The following GPC5 variants were observed in gnomAD, a reference collection of about 807,000 sequenced individuals.
GPC5 encodes glypican-5.
GPC5 carries 47 observed loss-of-function variants against 53.9 expected under a neutral mutation model. That is an observed-to-expected ratio of 0.87 (90% CI 0.69 to 1.11). GPC5 has a LOEUF of 1.11. GPC5 is among the 50% of genes most tolerant of loss of function. The pLI is 0.00. For synonymous variants in GPC5, 286 were observed against 263.3 expected (o/e 1.09, Z -0.84); for missense variants, 748 against 713.1 (o/e 1.05, Z -0.56).
intron 7 of GPC5, among the ~76,000 whole-genome samples, chr13:92,586,619 T>C (rs1317087430): frequency 6.6e-6 from 1 of 152,184 alleles, no homozygotes; most frequent in Non-Finnish European, 1.5e-5. Context: ...TGAGCTCAGC[T>C]TTACTTAGTT....
intron 7 of GPC5, among the ~76,000 whole-genome samples, chr13:92,533,952 C>T (rs1051891341): frequency 4.6e-5 from 7 of 152,066 alleles, no homozygotes; most frequent in Non-Finnish European, 1.0e-4. Flanking sequence ...TTCTTCATAA[C>T]AAAGCCTTTT....
chr13:92,759,624 AG>A, intron 7 of GPC5, among the ~76,000 whole-genome samples: 1 of 152,050 alleles, frequency 6.6e-6, no homozygotes, highest in Non-Finnish European at 1.5e-5. Flanking sequence ...TGGAGTCTTT[AG>A]GGCTCTCTAT....
At chr13:91,874,442 A>C (rs2039180628) in intron 5 of GPC5, among the ~76,000 whole-genome samples, 1 of 152,144 alleles carries the variant, frequency 6.6e-6, no homozygotes, top group South Asian at 2.1e-4. Flanking sequence ...GATCCCCTGG[A>C]ATGAATATTC....
chr13:92,073,988 A>G (rs1003542189), intron 6 of GPC5, among the ~76,000 whole-genome samples: 1 of 152,138 alleles, frequency 6.6e-6, no homozygotes, highest in African/African-American at 2.4e-5. Flanking sequence ...CCATCATGTG[A>G]AGAAACATGT....
chr13:91,449,631 A>C (rs1419265814), intron 2 of GPC5, among the ~76,000 whole-genome samples: 1 of 152,176 alleles, frequency 6.6e-6, no homozygotes, highest in South Asian at 2.1e-4. Context: ...AGTGCAAGCA[A>C]GTCTGATAAA....
At chr13:92,277,487 A>G (rs1410684997) in intron 7 of GPC5, among the ~76,000 whole-genome samples, 4 of 152,104 alleles carry the variant, frequency 2.6e-5, no homozygotes, top group African/African-American at 9.6e-5. Flanking sequence ...AGGTAATATT[A>G]TACATCACTT....
At chr13:92,301,291 A>G (rs1280716865) in intron 7 of GPC5, among the ~76,000 whole-genome samples, 1 of 152,180 alleles carries the variant, frequency 6.6e-6, no homozygotes, top group Non-Finnish European at 1.5e-5. Context: ...AAGAGATGGA[A>G]TCTTTGGAGA....
intron 7 of GPC5, among the ~76,000 whole-genome samples, chr13:92,582,228 G>A (rs1458619208): frequency 6.6e-6 from 1 of 152,046 alleles, no homozygotes; most frequent in Non-Finnish European, 1.5e-5. Context: ...TGTATTTGGT[G>A]TAATACAAAA....
chr13:92,855,541 T>C (rs1878969446), intron 7 of GPC5, among the ~76,000 whole-genome samples: 1 of 151,958 alleles, frequency 6.6e-6, no homozygotes, highest in Non-Finnish European at 1.5e-5. Context: ...TGATCACTAT[T>C]ACAACTTTCA....
In GPC5 at chr13:92,237,700, C is replaced by T. The variant is rs376043423; in HGVS notation, c.1561+92711C>T. Among the ~76,000 whole-genome samples, 13 of 152,220 alleles carry T rather than the reference C, an allele frequency of 8.5e-5. No individual in the cohort carries two copies. The South Asian group carries it at 1.5e-3, about 17-fold the overall frequency. On this transcript the variant is annotated intron_variant, in intron 7 of 7. Coordinates refer to ENST00000377067, the MANE Select transcript of GPC5 (RefSeq NM_004466.6). ...GTTCACAAACTATAGAATGTATTCACTTTAAGTGTACAATTCAGTGCTTTC... is the reference window on the plus strand; with the variant it reads ...GTTCACAAACTATAGAATGTATTCATTTTAAGTGTACAATTCAGTGCTTTC...
chr13:92,232,350 A>G (rs777734914), intron 7 of GPC5, among the ~76,000 whole-genome samples: 1 of 152,188 alleles, frequency 6.6e-6, no homozygotes, highest in Non-Finnish European at 1.5e-5. Context: ...ACTATGTTTT[A>G]AATTTTAGTT....
chr13:92,424,810 CTATTCATTCA>C (rs1876755200), intron 7 of GPC5, among the ~76,000 whole-genome samples: 11 of 78,600 alleles, frequency 1.4e-4, no homozygotes, highest in African/African-American at 7.3e-4. Context: ...CAATATTCAT[CTATTCATTCA>C]TTCATTCATT....
chr13:91,782,393 A>G (rs2138723802), intron 5 of GPC5, among the ~76,000 whole-genome samples: 1 of 152,310 alleles, frequency 6.6e-6, no homozygotes, highest in South Asian at 2.1e-4. Context: ...TGGAGGCCTC[A>G]GGAAACTTAC....
intron 6 of GPC5, among the ~76,000 whole-genome samples, chr13:92,090,363 G>C (rs2041370142): frequency 6.6e-6 from 1 of 151,994 alleles, no homozygotes; most frequent in South Asian, 2.1e-4. Flanking sequence ...TGGGGCCTTA[G>C]AGGGAGGGGA....
rs1229322488 is a variant in GPC5 at position 91,609,332 on chromosome 13, C to T, written c.326-83855C>T. Among the ~76,000 whole-genome samples, 5 of 151,986 alleles carry T rather than the reference C, an allele frequency of 3.3e-5. No individual in the cohort carries two copies. The South Asian group carries it at 8.3e-4, about 25-fold the overall frequency. On this transcript the variant is annotated intron_variant, in intron 2 of 7. Coordinates refer to ENST00000377067, the MANE Select transcript of GPC5 (RefSeq NM_004466.6). ...GACAGCACCTTGGAATGAACTGACA[C>T]AGGCAACAAATGGGATAGAACTGTG... is the stretch of plus-strand genomic sequence containing the variant.
At chr13:92,155,976 A>C (rs2041942187) in intron 7 of GPC5, among the ~76,000 whole-genome samples, 1 of 152,184 alleles carries the variant, frequency 6.6e-6, no homozygotes. Context: ...ATTTGATCTC[A>C]AAACATTTGT....
intron 7 of GPC5, among the ~76,000 whole-genome samples, chr13:92,710,881 A>C (rs1888113770): frequency 1.3e-5 from 2 of 152,224 alleles, no homozygotes; most frequent in African/African-American, 4.8e-5. Flanking sequence ...GACAATGATG[A>C]ATTTGTTGAA....
intron 7 of GPC5, among the ~76,000 whole-genome samples, chr13:92,236,065 A>C (rs1435211019): frequency 6.6e-6 from 1 of 152,078 alleles, no homozygotes. Flanking sequence ...CCTCTTAAGA[A>C]ATAAGGTAAT....
At chr13:92,697,282 T>C (rs1887584966) in intron 7 of GPC5, among the ~76,000 whole-genome samples, 1 of 152,142 alleles carries the variant, frequency 6.6e-6, no homozygotes, top group African/African-American at 2.4e-5. Context: ...TATAAATTAA[T>C]TTGGGCAGTA....
Sources: allele counts gnomAD v4.1 joint callset (sites outside exome capture counted in the v4.1 genomes callset), GRCh38; gene constraint gnomAD v4.1.1; transcripts MANE v1.5; gene names NCBI Gene and HGNC (gene_info 2026-07-23, HGNC 2026-07-21).